BICD1: variants seen among roughly 807,000 people sequenced by gnomAD.
BICD1 encodes the protein protein bicaudal D homolog 1.
BICD1 carries 35 observed loss-of-function variants against 92.5 expected under a neutral mutation model. The ratio of observed to expected loss-of-function variants is 0.38; its 90% CI spans 0.29 to 0.50. The LOEUF is 0.50. BICD1 is among the 20% of genes least tolerant of loss of function. The probability of loss-of-function intolerance (pLI) is 0.93; values close to 1 mark genes in which losing one functional copy is unlikely to be tolerated. For synonymous variants in BICD1, 429 were observed against 465.1 expected (o/e 0.92, Z 1.00); for missense variants, 950 against 1,189.8 (o/e 0.80, Z 2.97).
chr12:32,175,699 A>T (rs1159691395), intron 1 of BICD1, among the ~76,000 whole-genome samples: 1 of 152,222 alleles, frequency 6.6e-6, no homozygotes, highest in African/African-American at 2.4e-5. Context: ...ACTTTTTAAA[A>T]GCAACTTTAT....
At chr12:32,334,475 C>A in intron 5 of BICD1, 41 bp from the exon 6 acceptor site, 1 of 1,557,228 alleles carries the variant, frequency 6.4e-7, no homozygotes. Context: ...GATGGATTTT[C>A]CTGATATGAA....
At chr12:32,373,611 G>A (rs982050526) in intron 9 of BICD1, among the ~76,000 whole-genome samples, 6 of 152,052 alleles carry the variant, frequency 3.9e-5, no homozygotes, top group East Asian at 1.9e-4. Flanking sequence ...AGCGGCTCAC[G>A]CCTGTAATCC....
intron 1 of BICD1, among the ~76,000 whole-genome samples, chr12:32,177,509 G>T (rs909983683): frequency 2.0e-5 from 3 of 148,982 alleles, no homozygotes; most frequent in African/African-American, 7.4e-5. Flanking sequence ...AATTTTGTAA[G>T]ACAAACAATA....
chr12:32,158,113 T>C (rs1322369961), intron 1 of BICD1, among the ~76,000 whole-genome samples: 6 of 150,576 alleles, frequency 4.0e-5, no homozygotes, highest in African/African-American at 9.8e-5. Flanking sequence ...TTTCTTTTTT[T>C]TTTTTTTTTG....
In BICD1 at chr12:32,107,521, CAG is replaced by C; in HGVS notation, c.191_192del (p.Gln64ArgfsTer21). On this transcript the variant is annotated frameshift_variant, in exon 1 of 10. Coordinates refer to ENST00000652176, the MANE Select transcript of BICD1 (RefSeq NM_001714.4). LOFTEE classifies it high-confidence loss of function. The part of the protein sequence containing the change: ...ELEAEYDSLK[Q>X]ELEQLKEAFG... The stretch of plus-strand genomic sequence containing the variant: ...GGAGGCTGAGTACGACAGCCTCAAA[CAG>C]GAGCTGGAGCAGCTCAAAGAGGTGA... The C allele has an allele frequency of 6.3e-7, 1 of 1,597,840 alleles. No individual in the cohort carries two copies. The highest frequency in any genetic ancestry group is 8.5e-7 in the Non-Finnish European group (1 of 1,172,616).
intron 1 of BICD1, among the ~76,000 whole-genome samples, chr12:32,183,592 G>A (rs1188708440): frequency 6.6e-6 from 1 of 152,134 alleles, no homozygotes; most frequent in African/African-American, 2.4e-5. Context: ...AAGGAATATT[G>A]ATTTTCATAG....
intron 2 of BICD1, among the ~76,000 whole-genome samples, chr12:32,281,980 G>A (rs1282911069): frequency 6.6e-6 from 1 of 152,094 alleles, no homozygotes; most frequent in African/African-American, 2.4e-5. Flanking sequence ...AACACACAAA[G>A]AAATCAAATC....
chr12:32,271,926 T>C (rs930253158), intron 2 of BICD1, among the ~76,000 whole-genome samples: 13 of 152,320 alleles, frequency 8.5e-5, no homozygotes, highest in African/African-American at 3.1e-4. Context: ...ACTTAAGGGT[T>C]CCTGGGTCAA....
In BICD1 at chr12:32,294,077, G is replaced by A. The variant is rs1352833562; in HGVS notation, c.510G>A (p.Gln170=). ...EYKFREARLL[Q]DYTELEEENI... ...AGTTCCGGGAGGCACGGCTCCTTCA[G>A]GACTATACTGAATTGGAAGAAGAAA... Residue 170 remains glutamine (Q), a synonymous_variant, in exon 3 of 10, where the codon CAG becomes CAA. Transcript: ENST00000652176. 4 of 1,612,164 alleles carry A rather than the reference G, an allele frequency of 2.5e-6. No homozygotes were observed. In the East Asian group the frequency reaches 8.9e-5, roughly 36 times the overall value.
chr12:32,207,800 C>G (rs1945103888), intron 1 of BICD1, among the ~76,000 whole-genome samples: 1 of 152,150 alleles, frequency 6.6e-6, no homozygotes, highest in Non-Finnish European at 1.5e-5. Flanking sequence ...CTGTGTTTGT[C>G]TTTGTACATT....
chr12:32,252,135 TTATATATTATATATTAC>T (rs1592558981), intron 2 of BICD1, among the ~76,000 whole-genome samples: 53 of 62,410 alleles, frequency 8.5e-4, no homozygotes, highest in East Asian at 2.2e-3. Flanking sequence ...ATAATAAATA[TTATATATTATATATTAC>T]ATATTATATA....
At position 32,108,458 on chromosome 12, in the gene BICD1, C is replaced by T. The variant is rs536525008; in HGVS notation, c.213+914C>T. On this transcript the variant is annotated intron_variant, in intron 1 of 9. Coordinates refer to ENST00000652176, the MANE Select transcript of BICD1 (RefSeq NM_001714.4). ...AAGAACATACATATTGTTTAAGTAACTCGGTCTTTTTTATCTGATTCTTGA... is the reference window on the plus strand; with the variant it reads ...AAGAACATACATATTGTTTAAGTAATTCGGTCTTTTTTATCTGATTCTTGA... 6.7e-6 allele frequency: 3 copies of T among 449,648 alleles called. No individual in the cohort carries two copies. In the East Asian group the frequency reaches 1.0e-4, roughly 15 times the overall value. The allele number at this position is 449,648 out of a possible 1,614,324, so 27.9% of individuals were successfully genotyped here.
At chr12:32,167,994 TA>T (rs1244105501) in intron 1 of BICD1, among the ~76,000 whole-genome samples, 1 of 139,956 alleles carries the variant, frequency 7.1e-6, no homozygotes, top group Non-Finnish European at 1.5e-5. Flanking sequence ...ACATGAAGGT[TA>T]AAAGGAGATG....
At position 32,337,457 on chromosome 12, in the gene BICD1, C is replaced by A; in HGVS notation, c.2253-42C>A. ...TCAGCTTAACTCCCAAATTCAGTTT[C>A]ACCAAGATTTTCCTCTGACCACTTC... On this transcript the variant is annotated intron_variant, in intron 6 of 9. Coordinates refer to ENST00000652176, the MANE Select transcript of BICD1 (RefSeq NM_001714.4). The surrounding 1 kb of genome is among the most constrained non-coding windows in gnomAD (Gnocchi z 4.7). 2 of 1,557,938 alleles carry A rather than the reference C, an allele frequency of 1.3e-6. No individual in the cohort carries two copies. The highest frequency in any genetic ancestry group is 1.2e-5 in the South Asian group (1 of 84,742).
At chr12:32,288,480 A>C (rs904972799) in intron 2 of BICD1, among the ~76,000 whole-genome samples, 5 of 151,588 alleles carry the variant, frequency 3.3e-5, no homozygotes, top group Non-Finnish European at 7.4e-5. Flanking sequence ...AAACTCCTGG[A>C]CTCAAGTGAT....
chr12:32,357,336 G>A (rs1481936106), intron 8 of BICD1, among the ~76,000 whole-genome samples: 1 of 151,946 alleles, frequency 6.6e-6, no homozygotes, highest in Admixed American at 6.6e-5. Context: ...CTTAATTTGT[G>A]CTTCTTGCCT....
At chr12:32,317,155 C>T (rs1269378404) in intron 4 of BICD1, among the ~76,000 whole-genome samples, 2 of 152,100 alleles carry the variant, frequency 1.3e-5, no homozygotes, top group Non-Finnish European at 2.9e-5. Context: ...TGAATAGTGC[C>T]ACAATAAACA....
intron 2 of BICD1, among the ~76,000 whole-genome samples, chr12:32,252,083 T>TATA (rs1443302057): frequency 2.8e-4 from 10 of 36,304 alleles, no homozygotes; most frequent in African/African-American, 1.1e-3. Flanking sequence ...AATATATATT[T>TATA]ATAAATATAT....
chr12:32,170,136 T>A (rs769855507), intron 1 of BICD1, among the ~76,000 whole-genome samples: 2 of 152,228 alleles, frequency 1.3e-5, no homozygotes, highest in African/African-American at 2.4e-5. Flanking sequence ...AAATTAATTA[T>A]TTTATTTCCA....
Sources: allele counts gnomAD v4.1 joint callset (sites outside exome capture counted in the v4.1 genomes callset), GRCh38; gene constraint gnomAD v4.1.1; non-coding constraint Gnocchi (gnomAD v3.1); transcripts MANE v1.5; gene names NCBI Gene and HGNC (gene_info 2026-07-23, HGNC 2026-07-21).